Variants in NAV2 observed in about 807,000 individuals in gnomAD.
NAV2 encodes neuron navigator 2.
A neutral mutation model predicts 223.2 loss-of-function variants in NAV2; 54 were observed. The observed-to-expected ratio is 0.24, with a 90% CI of 0.19 to 0.30. The LOEUF is 0.30. Ranked by LOEUF, NAV2 falls within the 10% of genes least tolerant of loss-of-function variation. The pLI is 1.00. For synonymous variants in NAV2, 1,279 were observed against 1,239.3 expected, an observed-to-expected ratio of 1.03 and a Z score of -0.67; for missense variants, 2,806 against 3,147.5, an observed-to-expected ratio of 0.89 and a Z score of 2.60.
At chr11:19,787,105 T>A (rs1215854649) in intron 1 of NAV2, among the ~76,000 whole-genome samples, 1 of 151,964 alleles carries the variant, frequency 6.6e-6, no homozygotes, top group Admixed American at 6.6e-5. Flanking sequence ...ATTTTATTTT[T>A]TTTGAGATAG....
At chr11:19,879,555 T>C (rs2063066418) in intron 4 of NAV2, among the ~76,000 whole-genome samples, 1 of 152,112 alleles carries the variant, frequency 6.6e-6, no homozygotes, top group Admixed American at 6.5e-5. Context: ...AGTTCCTCCA[T>C]CCCCTGCCTG....
chr11:19,357,692 G>A (rs907376949), intron 1 of NAV2, among the ~76,000 whole-genome samples: 3 of 152,162 alleles, frequency 2.0e-5, no homozygotes, highest in Non-Finnish European at 2.9e-5. Flanking sequence ...TTAAACTTGT[G>A]TTATGCACAT....
intron 1 of NAV2, among the ~76,000 whole-genome samples, chr11:19,617,072 T>G (rs1259520174): frequency 1.3e-5 from 2 of 152,164 alleles, no homozygotes; most frequent in East Asian, 3.9e-4. Context: ...CTCTCCTTTT[T>G]TCCCCTATTT....
intron 10 of NAV2, among the ~76,000 whole-genome samples, chr11:19,950,681 G>A (rs761700123): frequency 6.6e-6 from 1 of 152,188 alleles, no homozygotes; most frequent in Non-Finnish European, 1.5e-5. Context: ...ACCTTTTGCA[G>A]GGGCAAAAGG....
At position 19,869,009 on chromosome 11, in the gene NAV2, C is replaced by A. The variant is rs769402556; in HGVS notation, c.511+12C>A. On this transcript the variant is annotated intron_variant, in intron 4 of 37. Coordinates refer to ENST00000349880, the MANE Select transcript of NAV2 (RefSeq NM_145117.5). The stretch of plus-strand genomic sequence containing the variant: ...GCTGTCTGCAGAAGGTGAGTCAGAG[C>A]GCTTGTCACGAAGCTGCCTCTTCAT... 3.5e-5 allele frequency: 56 copies of A among 1,612,880 alleles called. No individual in the cohort carries two copies. The Admixed American group carries it at 9.3e-4, about 27-fold the overall frequency.
intron 10 of NAV2, among the ~76,000 whole-genome samples, chr11:19,949,572 T>C (rs945890402): frequency 2.0e-5 from 3 of 152,262 alleles, no homozygotes; most frequent in African/African-American, 7.2e-5. Context: ...TAGGTCCTTC[T>C]TGCTGCTCAG....
chr11:19,464,130 T>C (rs1486481346), intron 1 of NAV2, among the ~76,000 whole-genome samples: 5 of 152,192 alleles, frequency 3.3e-5, no homozygotes, highest in Non-Finnish European at 5.9e-5. Flanking sequence ...GCGCAGAACC[T>C]GATTAGTGCT....
At chr11:19,622,216 G>A (rs1177651973) in intron 1 of NAV2, among the ~76,000 whole-genome samples, 15 of 152,194 alleles carry the variant, frequency 9.9e-5, no homozygotes, top group African/African-American at 2.9e-4. Context: ...GTGGTGCTGA[G>A]AAGAATGTAT....
At chr11:20,061,383 A>G (rs2058691950) in intron 19 of NAV2, among the ~76,000 whole-genome samples, 1 of 120,504 alleles carries the variant, frequency 8.3e-6, no homozygotes, top group Non-Finnish European at 2.0e-5. Context: ...CAGCCTGACT[A>G]ACGTGGAGAA....
chr11:19,512,184 G>T (rs540044041), intron 1 of NAV2, among the ~76,000 whole-genome samples: 2 of 152,306 alleles, frequency 1.3e-5, no homozygotes, highest in South Asian at 2.1e-4. Flanking sequence ...ACTCTGAGGG[G>T]TGGAAAGAGG....
At chr11:19,604,189 C>A (rs531273511) in intron 1 of NAV2, among the ~76,000 whole-genome samples, 1 of 151,988 alleles carries the variant, frequency 6.6e-6, no homozygotes, top group African/African-American at 2.4e-5. Flanking sequence ...GTGACTTAAA[C>A]GTTTTTAAAG....
chr11:19,859,137 C>CTTTTTTTTTTTTTTTTTTTTTTTTTTTTT lies in NAV2; in HGVS notation c.439-9766_439-9765insTTTTTTTTTTTTTTTTTTTTTTTTTTTTT, dbSNP rs569446282. 1.6e-4 allele frequency among the ~76,000 whole-genome samples: 17 copies of CTTTTTTTTTTTTTTTTTTTTTTTTTTTTT among 107,110 alleles called. 1 individual carries two copies. The highest frequency in any genetic ancestry group is 4.4e-4 in the African/African-American group (13 of 29,276). The allele number at this position is 107,110 out of a possible 152,430, so 70.3% of individuals were successfully genotyped here. A position where few individuals can be genotyped will look rare whatever the true frequency, so the allele number is the denominator to read the frequency against. On this transcript the variant is annotated intron_variant, in intron 3 of 37. Transcript: ENST00000349880. ...ATGGAGGAGTCCAAAATCATATTCTCTTTTTTTTTTTTTTTTTTTTTTATT... is the reference window on the plus strand; with the variant it reads ...ATGGAGGAGTCCAAAATCATATTCTCTTTTTTTTTTTTTTTTTTTTTTTTTTTTTTTTTTTTTTTTTTTTTTTTTTTATT...
chr11:19,793,949 T>C (rs1436146194), intron 1 of NAV2, among the ~76,000 whole-genome samples: 2 of 152,148 alleles, frequency 1.3e-5, no homozygotes, highest in African/African-American at 4.8e-5. Context: ...CCAACCACAG[T>C]GTCCACTTCA....
At chr11:19,392,918 G>A (rs1017152589) in intron 1 of NAV2, among the ~76,000 whole-genome samples, 1 of 152,194 alleles carries the variant, frequency 6.6e-6, no homozygotes, top group Admixed American at 6.5e-5. Context: ...GAGGTGATAC[G>A]TGACTTGCTC....
intron 1 of NAV2, among the ~76,000 whole-genome samples, chr11:19,584,534 C>T (rs1211364893): frequency 6.6e-6 from 1 of 152,216 alleles, no homozygotes; most frequent in East Asian, 1.9e-4. Flanking sequence ...AAATTTCCCT[C>T]TACATGCTGC....
At chr11:20,038,894 C>G (rs1366510734) in intron 12 of NAV2, among the ~76,000 whole-genome samples, 1 of 152,166 alleles carries the variant, frequency 6.6e-6, no homozygotes, top group Non-Finnish European at 1.5e-5. Context: ...AAGAAACAGC[C>G]TCGTATAGCT....
intron 1 of NAV2, among the ~76,000 whole-genome samples, chr11:19,354,679 C>T (rs944013639): frequency 1.3e-5 from 2 of 152,252 alleles, no homozygotes; most frequent in African/African-American, 4.8e-5. Context: ...ACCTCATACA[C>T]ACCTATGCAG....
At chr11:19,640,085 A>G (rs571665679) in intron 1 of NAV2, among the ~76,000 whole-genome samples, 13 of 152,366 alleles carry the variant, frequency 8.5e-5, no homozygotes, top group Admixed American at 1.3e-4. Flanking sequence ...AATTGAATTC[A>G]AAAACAGCCA....
At chr11:20,005,253 A>ATATTTTT (rs1277010848) in intron 11 of NAV2, among the ~76,000 whole-genome samples, 2 of 134,554 alleles carry the variant, frequency 1.5e-5, no homozygotes, top group African/African-American at 5.6e-5. Flanking sequence ...ATATATATAT[A>ATATTTTT]TTTTTTTTTT....
Sources: allele counts gnomAD v4.1 joint callset (sites outside exome capture counted in the v4.1 genomes callset), GRCh38; gene constraint gnomAD v4.1.1; transcripts MANE v1.5; gene names NCBI Gene and HGNC (gene_info 2026-07-23, HGNC 2026-07-21).